SYVN1: variants seen among roughly 807,000 people sequenced by gnomAD.
The protein encoded by SYVN1 is E3 ubiquitin-protein ligase synoviolin.
A neutral mutation model predicts 62.6 loss-of-function variants in SYVN1; 17 were observed. The ratio of observed to expected loss-of-function variants is 0.27; its 90% CI spans 0.19 to 0.41. SYVN1 has a LOEUF of 0.41. Ranked by LOEUF, SYVN1 falls within the 10% of genes least tolerant of loss-of-function variation. The pLI is 1.00. For synonymous variants in SYVN1, 316 were observed against 304.0 expected, an observed-to-expected ratio of 1.04 and a Z score of -0.41; for missense variants, 634 against 818.0, an observed-to-expected ratio of 0.78 and a Z score of 2.74.
intron 11 of SYVN1, 134 bp from the exon 12 acceptor site, chr11:65,130,513 A>G: frequency 7.1e-7 from 1 of 1,398,914 alleles, no homozygotes. Flanking sequence ...ACTGACTGCA[A>G]GCATCTATTT....
In SYVN1 at chr11:65,128,405, G is replaced by A. The variant is rs780156781; in HGVS notation, c.1831C>T (p.Leu611=). The change falls in exon 16 of 16, where the codon CTG becomes TTG. Residue 611 remains leucine, a synonymous_variant. Transcript: ENST00000377190. ...TGTCAGTGGGCAACAGGAGACTCCA[G>A]CTTCTGCAGGCGGCGCCGGCGGAGC... ...AELRRRRLQK[L]ESPVAH 2 of 1,613,666 alleles carry A rather than the reference G, an allele frequency of 1.2e-6. No individual in the cohort carries two copies. Among genetic ancestry groups the A allele is most frequent in the Admixed American group, 1.7e-5 (1 of 59,998 alleles).
Position 65,129,802 on chromosome 11 carries a change from GCAGGCTCTGCAGCCGGGCCTC to G in SYVN1, c.1501_1521del (p.Glu501_Leu507del). The G allele has an allele frequency of 6.2e-7, 1 of 1,614,224 alleles. No individual in the cohort carries two copies. ...GCGTCCAGCAGTGTGTGGATGTTAC[GCAGGCTCTGCAGCCGGGCCTC>G]CAGGTGCTGCCGCTCATGGCCCTCC... On this transcript the variant is annotated inframe_deletion, in exon 14 of 16. Transcript: ENST00000377190.
rs1177290728 is a variant in SYVN1, at chr11:65,132,238, C to G, written c.531+10G>C. 3.7e-6 allele frequency: 6 copies of G among 1,610,476 alleles called. 1 individual carries two copies. In the South Asian group the frequency reaches 6.6e-5, roughly 18 times the overall value. On this transcript the variant is annotated intron_variant, in intron 6 of 15. Transcript: ENST00000377190. ...GGGCTTGTCCTCTCAACCTCCCAAGCCAGTTTTACCTCAAAGCCAAACACC... is the reference window on the plus strand; with the variant it reads ...GGGCTTGTCCTCTCAACCTCCCAAGGCAGTTTTACCTCAAAGCCAAACACC...
At chr11:65,130,871 C>G in intron 10 of SYVN1, 48 bp from the exon 11 acceptor site, 1 of 1,610,808 alleles carries the variant, frequency 6.2e-7, no homozygotes, top group Non-Finnish European at 8.5e-7. Flanking sequence ...AGGGGCCTGC[C>G]TTCTGGGGCC....
In SYVN1 at chr11:65,133,450, T is replaced by TC. The variant is rs1565350121; in HGVS notation, c.132+19dup. 1 of 1,612,006 alleles carries TC rather than the reference T, an allele frequency of 6.2e-7. No homozygotes were observed. The highest frequency in any genetic ancestry group is 2.2e-5 in the East Asian group (1 of 44,834). On this transcript the variant is annotated intron_variant, in intron 2 of 15. Coordinates refer to ENST00000377190, the MANE Select transcript of SYVN1 (RefSeq NM_172230.3). Reference sequence around the variant, plus strand: ...CCTTCCCTCCCAGGGAGTTCCTCCCTCCCTGAGCCCTGAACTCACTGCCAT... The same window carrying TC: ...CCTTCCCTCCCAGGGAGTTCCTCCCTCCCCTGAGCCCTGAACTCACTGCCAT...
Position 65,128,049 on chromosome 11 carries a change from T to C in SYVN1, c.*333A>G, listed in dbSNP as rs1948124037. 1 of 459,466 alleles carries C rather than the reference T, an allele frequency of 2.2e-6. No homozygotes were observed. Among genetic ancestry groups the C allele is most frequent in the African/African-American group, 2.0e-5 (1 of 50,528 alleles). The allele number at this position is 459,466 out of a possible 1,614,324, so 28.5% of individuals were successfully genotyped here. A position where few individuals can be genotyped will look rare whatever the true frequency, so the allele number is the denominator to read the frequency against. On this transcript the variant is annotated 3_prime_UTR_variant, in exon 16 of 16. Transcript: ENST00000377190. ...TGACTCCGCACATACAAGTAGGGCT[T>C]GGAGGGGCAGCCCCTTCTCCTGGAA...
Position 65,133,528 on chromosome 11 carries a change from A to T in SYVN1, c.74T>A (p.Leu25His). ...CACAGTGGGGTAGAACTGGTGTTTG[A>T]GGTAGTAGGCGTGAGCCACCACAGC... ...TGAVVAHAYYLKHQFYPTVVY... is the reference protein window; with the variant it reads ...TGAVVAHAYYHKHQFYPTVVY... Residue 25 changes from leucine (L) to histidine (H), a missense_variant, in exon 2 of 16, where the codon CTC becomes CAC. Physicochemically the swap from Leu to His is moderately conservative, Grantham distance 99. Coordinates refer to ENST00000377190, the MANE Select transcript of SYVN1 (RefSeq NM_172230.3). The T allele has an allele frequency of 1.9e-6, 3 of 1,613,666 alleles. No homozygotes were observed. In the South Asian group the frequency reaches 3.3e-5, roughly 18 times the overall value.
At position 65,128,669 on chromosome 11, in the gene SYVN1, G is replaced by T; in HGVS notation, c.1641C>A (p.Ala547=). Residue 547 remains alanine, a synonymous_variant, in exon 15 of 16, where the codon GCC becomes GCA. Coordinates refer to ENST00000377190, the MANE Select transcript of SYVN1 (RefSeq NM_172230.3). ...ATSVNSTEET[A]TTVVAAASST... ...AGGAGGCAGCAGCAACAACTGTAGTGGCAGTCTCCTCAGTGGAGTTGACTG... is the reference window on the plus strand; with the variant it reads ...AGGAGGCAGCAGCAACAACTGTAGTTGCAGTCTCCTCAGTGGAGTTGACTG... 6.2e-7 allele frequency: 1 copy of T among 1,613,878 alleles called. No individual in the cohort carries two copies. Among genetic ancestry groups the T allele is most frequent in the Non-Finnish European group, 8.5e-7 (1 of 1,179,862 alleles).
chr11:65,130,851 G>A, intron 10 of SYVN1, 28 bp from the exon 11 acceptor site: 12 of 1,599,842 alleles, frequency 7.5e-6, no homozygotes, highest in Non-Finnish European at 9.4e-6. Flanking sequence ...GCAGAGGTCA[G>A]CAGGTCCCTA....
Position 65,129,803 on chromosome 11 carries a change from C to T in SYVN1, c.1521G>A (p.Leu507=), listed in dbSNP as rs140676029. ...CGTCCAGCAGTGTGTGGATGTTACG[C>T]AGGCTCTGCAGCCGGGCCTCCAGGT... ...RQHLEARLQS[L]RNIHTLLDAA... is the part of the protein sequence containing the mutation. Residue 507 remains leucine (L), a synonymous_variant, in exon 14 of 16, where the codon CTG becomes CTA. Transcript: ENST00000377190. 1.9e-6 allele frequency: 3 copies of T among 1,614,114 alleles called. No homozygotes were observed. Among genetic ancestry groups the T allele is most frequent in the Non-Finnish European group, 2.5e-6 (3 of 1,180,054 alleles).
chr11:65,130,691 G>A lies in SYVN1; in HGVS notation c.1074C>T (p.His358=), dbSNP rs201119617. The A allele has an allele frequency of 1.4e-4, 207 of 1,487,114 alleles. 1 individual carries two copies. In the East Asian group the frequency reaches 3.1e-3, roughly 22 times the overall value. 92.1% of individuals were successfully genotyped at this position (1,487,114 alleles called of 1,614,324 possible). ...PADQGPPPAP[H]PPPLLPQPPN... is the part of the protein sequence containing the mutation. The stretch of plus-strand genomic sequence containing the variant: ...GGGGCTGAGGCAAGAGTGGTGGGGG[G>A]TGGGGGGCAGGGGGTGGCCCCTGAT... Residue 358 remains histidine, a synonymous_variant, in exon 11 of 16, where the codon CAC becomes CAT. Coordinates refer to ENST00000377190, the MANE Select transcript of SYVN1 (RefSeq NM_172230.3).
At chr11:65,132,122 A>C (rs1238446621) in intron 6 of SYVN1, 126 bp downstream of exon 6, 2 of 765,402 alleles carry the variant, frequency 2.6e-6, no homozygotes, top group Non-Finnish European at 4.7e-6. Flanking sequence ...ATATCTGATC[A>C]CTGCCCCTTG....
intron 2 of SYVN1, 53 bp downstream of exon 2, chr11:65,133,417 A>G (rs1465464380): frequency 1.2e-6 from 2 of 1,603,074 alleles, no homozygotes; most frequent in Non-Finnish European, 1.7e-6. Flanking sequence ...TTGCCCAGGC[A>G]GACTCCTCCT....
chr11:65,133,319 C>A (rs768590075), intron 2 of SYVN1, 67 bp from the exon 3 acceptor site: 1 of 1,583,930 alleles, frequency 6.3e-7, no homozygotes, highest in Non-Finnish European at 8.7e-7. Context: ...ACTCATCATG[C>A]AGGATCCTCC....
intron 11 of SYVN1, 108 bp from the exon 12 acceptor site, chr11:65,130,487 G>T: frequency 7.1e-7 from 1 of 1,413,250 alleles, no homozygotes; most frequent in Non-Finnish European, 9.4e-7. Context: ...CAGGCCCTCA[G>T]CCCAGCACTG....
intron 6 of SYVN1, 21 bp from the exon 7 acceptor site, chr11:65,131,617 G>T: frequency 6.2e-7 from 1 of 1,611,346 alleles, no homozygotes. Flanking sequence ...AGGGGGACGA[G>T]GGGGATGTAA....
At position 65,131,570 on chromosome 11, in the gene SYVN1, G is replaced by A. The variant is rs750582241; in HGVS notation, c.558C>T (p.Leu186=). Residue 186 remains leucine (L), a synonymous_variant, in exon 7 of 16, where the codon CTC becomes CTT. Coordinates refer to ENST00000377190, the MANE Select transcript of SYVN1 (RefSeq NM_172230.3). ...FEYAILMTMV[L]TIFIKYVLHS... ...GCAGCACATACTTGATGAAGATGGTGAGCACCATCGTCATCAGGATGGCAT... is the reference window on the plus strand; with the variant it reads ...GCAGCACATACTTGATGAAGATGGTAAGCACCATCGTCATCAGGATGGCAT... 1.2e-6 allele frequency: 2 copies of A among 1,613,898 alleles called. No homozygotes were observed. The highest frequency in any genetic ancestry group is 1.3e-5 in the African/African-American group (1 of 74,982).
At position 65,127,553 on chromosome 11, in the gene SYVN1, A is replaced by G. The variant is rs1442165527; in HGVS notation, c.*829T>C. Reference sequence around the variant, plus strand: ...CAAAAGACAAAATTTAAGCCAAAAGACACTAGTAAGGAAGTAATTCCAATT... The same window carrying G: ...CAAAAGACAAAATTTAAGCCAAAAGGCACTAGTAAGGAAGTAATTCCAATT... On this transcript the variant is annotated 3_prime_UTR_variant, in exon 16 of 16. Transcript: ENST00000377190. The G allele has an allele frequency of 6.5e-6, 1 of 153,548 alleles. No individual in the cohort carries two copies. Among genetic ancestry groups the G allele is most frequent in the Non-Finnish European group, 1.4e-5 (1 of 69,010 alleles). 9.5% of individuals were successfully genotyped at this position (153,548 alleles called of 1,614,324 possible).
chr11:65,129,978 A>C, intron 13 of SYVN1, 24 bp downstream of exon 13: 1 of 1,598,900 alleles, frequency 6.3e-7, no homozygotes, highest in East Asian at 2.2e-5. Context: ...CCCCAAGAAG[A>C]ACCCAGAGAG....
Sources: allele counts gnomAD v4.1 joint callset, GRCh38; gene constraint gnomAD v4.1.1; transcripts MANE v1.5; gene names NCBI Gene and HGNC (gene_info 2026-07-23, HGNC 2026-07-21).